Variants in COL22A1 observed in about 807,000 individuals in gnomAD.
COL22A1 encodes the protein collagen type XXII alpha 1 chain.
A neutral mutation model predicts 248.9 loss-of-function variants in COL22A1; 221 were observed. The ratio of observed to expected loss-of-function variants is 0.89; its 90% CI spans 0.80 to 0.99. The LOEUF (loss-of-function observed/expected upper bound fraction) is 0.99. Ranked by LOEUF, COL22A1 falls within the 50% of genes least tolerant of loss-of-function variation. The pLI, the probability that COL22A1 is intolerant of heterozygous loss-of-function variation, is 0.00. For synonymous variants in COL22A1, 891 were observed against 793.4 expected (o/e 1.12, Z -2.07); for missense variants, 2,240 against 2,179.0 (o/e 1.03, Z -0.56).
intron 11 of COL22A1, among the ~76,000 whole-genome samples, chr8:138,801,887 A>C (rs934649172): frequency 6.6e-6 from 1 of 151,896 alleles, no homozygotes; most frequent in African/African-American, 2.4e-5. Flanking sequence ...TCTCAAAAAA[A>C]AAAGGAAAGA....
At chr8:138,660,915 GAC>G (rs1336630747) in intron 43 of COL22A1, among the ~76,000 whole-genome samples, 34 of 31,464 alleles carry the variant, frequency 1.1e-3, no homozygotes, top group South Asian at 2.6e-3. Flanking sequence ...CACATACACA[GAC>G]ACACACACAG....
At chr8:138,743,349 A>T (rs1423424623) in intron 22 of COL22A1, among the ~76,000 whole-genome samples, 2 of 101,520 alleles carry the variant, frequency 2.0e-5, no homozygotes, top group East Asian at 2.7e-4. Flanking sequence ...GTGATGGTGG[A>T]GTTGATGGTG....
intron 34 of COL22A1, among the ~76,000 whole-genome samples, chr8:138,693,951 A>G (rs927821276): frequency 1.3e-5 from 2 of 152,082 alleles, no homozygotes; most frequent in Non-Finnish European, 2.9e-5. Context: ...CCCTCTGTAG[A>G]AATGTAGCTC....
Position 138,589,405 on chromosome 8 carries a change from G to T in COL22A1, c.4729C>A (p.Leu1577Ile). The stretch of plus-strand genomic sequence containing the variant: ...CCTTGAGGGCCAGGGATCCCAGGAA[G>T]TCCATCTTTAGCATAGCCAGGTTCC... The part of the protein sequence containing the change: ...PGEPGYAKDG[L>I]PGIPGPQGET... Residue 1577 changes from leucine (L) to isoleucine (I), a missense_variant, in exon 65 of 65, where the codon CTT becomes ATT. Physicochemically the swap from Leu to Ile is conservative, Grantham distance 5. Coordinates refer to ENST00000303045, the MANE Select transcript of COL22A1 (RefSeq NM_152888.3). 1 of 1,590,832 alleles carries T rather than the reference G, an allele frequency of 6.3e-7. No individual in the cohort carries two copies. Among genetic ancestry groups the T allele is most frequent in the Non-Finnish European group, 8.6e-7 (1 of 1,169,290 alleles).
chr8:138,823,576 T>G (rs1819340417), intron 6 of COL22A1, among the ~76,000 whole-genome samples: 1 of 152,118 alleles, frequency 6.6e-6, no homozygotes, highest in Non-Finnish European at 1.5e-5. Context: ...CAGCTAATCT[T>G]TGTATTTTTA....
chr8:138,838,392 G>A (rs1032804150), intron 4 of COL22A1, among the ~76,000 whole-genome samples: 6 of 152,218 alleles, frequency 3.9e-5, no homozygotes, highest in South Asian at 4.1e-4. Flanking sequence ...GGGCGGACAC[G>A]TGCCTACCCT....
chr8:138,678,976 T>C (rs1016903929), intron 40 of COL22A1, among the ~76,000 whole-genome samples: 1 of 152,190 alleles, frequency 6.6e-6, no homozygotes, highest in Non-Finnish European at 1.5e-5. Context: ...AGTACAGTGG[T>C]GTAATCATGG....
intron 10 of COL22A1, among the ~76,000 whole-genome samples, chr8:138,805,008 T>A (rs1817362405): frequency 7.1e-6 from 1 of 141,342 alleles, no homozygotes; most frequent in African/African-American, 2.7e-5. Flanking sequence ...TAGGCAATGG[T>A]GTGTGGTGGT....
chr8:138,887,466 C>T (rs759716682), intron 1 of COL22A1, among the ~76,000 whole-genome samples: 2 of 152,218 alleles, frequency 1.3e-5, no homozygotes, highest in Non-Finnish European at 2.9e-5. Flanking sequence ...GATCCACCCG[C>T]CTCGGCCTCC....
At chr8:138,805,982 T>TGGTG in intron 10 of COL22A1, among the ~76,000 whole-genome samples, 1 of 96,610 alleles carries the variant, frequency 1.0e-5, no homozygotes, top group African/African-American at 3.5e-5. Context: ...GTGTGTGTGA[T>TGGTG]TGTGTGTGAT....
chr8:138,630,782 T>A (rs1303154758), intron 49 of COL22A1, 34 bp from the exon 50 acceptor site: 1 of 1,601,950 alleles, frequency 6.2e-7, no homozygotes, highest in Admixed American at 1.7e-5. Context: ...TAGTTTCTTG[T>A]GCATCTAGAC....
chr8:138,779,559 C>A lies in COL22A1; in HGVS notation c.1654G>T (p.Glu552Ter), dbSNP rs749224371. Residue 552 changes from glutamate to a stop codon, truncating the protein, a stop_gained, in exon 14 of 65, where the codon GAG becomes TAG. Transcript: ENST00000303045. LOFTEE classifies it high-confidence loss of function. Reference sequence around the variant, plus strand: ...CCCGGCTCTCCCAGCTCTCCTGGCTCCCCCTGAACAAACAAAACAACACAA... The same window carrying A: ...CCCGGCTCTCCCAGCTCTCCTGGCTACCCCTGAACAAACAAAACAACACAA... ...GRDGSKGMRG[E>*]PGELGEPGLP... 1.2e-6 allele frequency: 2 copies of A among 1,612,108 alleles called. No homozygotes were observed. The highest frequency in any genetic ancestry group is 1.1e-5 in the South Asian group (1 of 91,018).
intron 1 of COL22A1, among the ~76,000 whole-genome samples, chr8:138,901,920 TC>T (rs1358329307): frequency 6.6e-6 from 1 of 151,876 alleles, no homozygotes; most frequent in African/African-American, 2.4e-5. Flanking sequence ...CTACCTGCAC[TC>T]CCCTGCTCCC....
intron 3 of COL22A1, among the ~76,000 whole-genome samples, chr8:138,873,771 G>A (rs764832773): frequency 2.0e-5 from 3 of 152,140 alleles, no homozygotes; most frequent in Non-Finnish European, 2.9e-5. Context: ...AATGAATGAA[G>A]GGAATGTTTA....
At position 138,694,493 on chromosome 8, in the gene COL22A1, G is replaced by A; in HGVS notation, c.2700+15C>T. On this transcript the variant is annotated intron_variant, in intron 34 of 64. Coordinates refer to ENST00000303045, the MANE Select transcript of COL22A1 (RefSeq NM_152888.3). ...CAAGTCTCTGAGCCAGCAGGGGAAG[G>A]GATGGTTTTCTTACCGGTGGTCCAG... 3 of 1,613,298 alleles carry A rather than the reference G, an allele frequency of 1.9e-6. No individual in the cohort carries two copies. The highest frequency in any genetic ancestry group is 2.5e-6 in the Non-Finnish European group (3 of 1,179,308).
intron 63 of COL22A1, among the ~76,000 whole-genome samples, chr8:138,592,947 G>A (rs1309044866): frequency 6.6e-6 from 1 of 152,106 alleles, no homozygotes; most frequent in Admixed American, 6.5e-5. Context: ...ATTTACAATA[G>A]CAAAGACTTG....
chr8:138,606,395 G>C lies in COL22A1; in HGVS notation c.4090C>G (p.Pro1364Ala), dbSNP rs200644646. The change falls in exon 58 of 65, where the codon CCC (proline) becomes GCC (alanine). Residue 1364 changes from proline to alanine, a missense_variant. Coordinates refer to ENST00000303045, the MANE Select transcript of COL22A1 (RefSeq NM_152888.3). ...GSPGLPGFLG[P>A]RGPPGEPGEK... ...TCTCTGCTTACCGGAGGCCCACGGG[G>C]ACCCAGGAAGCCAGGAAGTCCTGGG... The C allele has an allele frequency of 1.2e-6, 2 of 1,613,140 alleles. No homozygotes were observed. Among genetic ancestry groups the C allele is most frequent in the East Asian group, 4.5e-5 (2 of 44,842 alleles).
chr8:138,656,052 C>T, intron 44 of COL22A1, 108 bp from the exon 45 acceptor site: 2 of 908,392 alleles, frequency 2.2e-6, no homozygotes, highest in Admixed American at 1.9e-5. Context: ...ATACGTGACA[C>T]ACTGCGCCGT....
chr8:138,636,554 T>A (rs1821194018), intron 48 of COL22A1, among the ~76,000 whole-genome samples, 188 bp downstream of exon 48: 1 of 34,980 alleles, frequency 2.9e-5, no homozygotes, highest in African/African-American at 6.1e-5. Context: ...GCTTCTCCAA[T>A]AATTGAGGGA....
Sources: allele counts gnomAD v4.1 joint callset (sites outside exome capture counted in the v4.1 genomes callset), GRCh38; gene constraint gnomAD v4.1.1; transcripts MANE v1.5; gene names NCBI Gene and HGNC (gene_info 2026-07-23, HGNC 2026-07-21).